Variants in NBAS observed in about 807,000 individuals in gnomAD.
The protein encoded by NBAS is NBAS subunit of NRZ tethering complex.
Under a neutral mutation model 302.5 loss-of-function variants are expected in NBAS, and 219 were observed. The ratio of observed to expected loss-of-function variants is 0.72; its 90% CI spans 0.65 to 0.81. The LOEUF is 0.81. Among genes scored for constraint, NBAS ranks in the 30% least tolerant of loss-of-function variants. The probability of loss-of-function intolerance (pLI) is 0.00; values close to 1 mark genes in which losing one functional copy is unlikely to be tolerated. For synonymous variants in NBAS, 1,118 were observed against 1,021.6 expected, an observed-to-expected ratio of 1.09 and a Z score of -1.80; for missense variants, 2,932 against 2,841.6, an observed-to-expected ratio of 1.03 and a Z score of -0.72.
At chr2:15,077,182 C>T in the NBAS span, among the ~76,000 whole-genome samples, 3 of 152,156 alleles carry the variant, frequency 2.0e-5, no homozygotes, top group African/African-American at 4.8e-5. Context: ...AAGCAAGGCA[C>T]GTCTTACATG....
Position 15,475,754 on chromosome 2 carries a change from G to T in NBAS, c.1274C>A (p.Ser425Tyr), listed in dbSNP as rs769100097. Residue 425 changes from serine to tyrosine, a missense_variant, in exon 14 of 52, where the codon TCC becomes TAC. Coordinates refer to ENST00000281513, the MANE Select transcript of NBAS (RefSeq NM_015909.4). Reference protein sequence around the residue: ...VKTLKNLLGKSCEWFEPSPQV... With the variant: ...VKTLKNLLGKYCEWFEPSPQV... ...AGGTGATGGTTCAAACCATTCACAGGATTTTCCCAGTAAATTCTTCAAAGT... is the reference window on the plus strand; with the variant it reads ...AGGTGATGGTTCAAACCATTCACAGTATTTTCCCAGTAAATTCTTCAAAGT... 6.2e-7 allele frequency: 1 copy of T among 1,614,094 alleles called. No homozygotes were observed. The highest frequency in any genetic ancestry group is 8.5e-7 in the Non-Finnish European group (1 of 1,179,988).
At chr2:14,847,315 G>A in the NBAS span, among the ~76,000 whole-genome samples, 55 of 148,164 alleles carry the variant, frequency 3.7e-4, no homozygotes, top group African/African-American at 1.1e-3. Context: ...CCCAGGAGGC[G>A]GAGCTTGCAG....
intron 6 of NBAS, among the ~76,000 whole-genome samples, chr2:15,541,845 G>T (rs1380214415): frequency 2.9e-5 from 2 of 67,836 alleles, no homozygotes; most frequent in East Asian, 2.6e-4. Context: ...CCCCGTCCGG[G>T]AGGGAGGTGG....
chr2:14,920,041 G>C, the NBAS span, among the ~76,000 whole-genome samples: 1 of 152,102 alleles, frequency 6.6e-6, no homozygotes, highest in Non-Finnish European at 1.5e-5. Flanking sequence ...AGGCCCATCA[G>C]GGAAATCACT....
chr2:14,803,282 CT>C, the NBAS span, among the ~76,000 whole-genome samples: 36 of 152,292 alleles, frequency 2.4e-4, no homozygotes, highest in African/African-American at 8.4e-4. Context: ...ATTGGTGGTT[CT>C]TTTCCATATC....
At chr2:15,345,534 C>CTCAT (rs569972181) in intron 35 of NBAS, among the ~76,000 whole-genome samples, 199 of 152,284 alleles carry the variant, frequency 1.3e-3, no homozygotes, top group African/African-American at 4.5e-3. Flanking sequence ...TATTTCCATG[C>CTCAT]TCATGGATAG....
chr2:15,457,502 T>C (rs973321112), intron 21 of NBAS, among the ~76,000 whole-genome samples: 3 of 152,216 alleles, frequency 2.0e-5, no homozygotes, highest in Non-Finnish European at 4.4e-5. Context: ...TGAGCTGCAA[T>C]TACTTATTTA....
the NBAS span, among the ~76,000 whole-genome samples, chr2:15,150,989 A>C: frequency 6.6e-6 from 1 of 152,138 alleles, no homozygotes; most frequent in Non-Finnish European, 1.5e-5. Flanking sequence ...AACAAAAAAA[A>C]TTCAACGGTG....
the NBAS span, among the ~76,000 whole-genome samples, chr2:15,005,914 AT>A: frequency 6.6e-6 from 1 of 152,204 alleles, no homozygotes; most frequent in African/African-American, 2.4e-5. Flanking sequence ...CAGTAATGTG[AT>A]TGAGGGTATT....
the NBAS span, among the ~76,000 whole-genome samples, chr2:14,850,855 G>A: frequency 8.6e-6 from 1 of 116,512 alleles, no homozygotes; most frequent in Non-Finnish European, 1.7e-5. Flanking sequence ...AATGAAGGCA[G>A]AAATAAAGAT....
chr2:15,251,311 G>A (rs1668354013), intron 44 of NBAS, among the ~76,000 whole-genome samples: 1 of 152,206 alleles, frequency 6.6e-6, no homozygotes, highest in South Asian at 2.1e-4. Context: ...CTGTCGGCGG[G>A]TGGGGAGCTA....
chr2:15,459,802 C>A (rs1056487525), intron 21 of NBAS, among the ~76,000 whole-genome samples: 3 of 152,062 alleles, frequency 2.0e-5, no homozygotes, highest in Non-Finnish European at 4.4e-5. Flanking sequence ...TTTATCAGAA[C>A]AAAGAGTTAC....
chr2:15,471,792 G>A lies in NBAS; in HGVS notation c.1725+1430C>T, dbSNP rs1395729451. Among the ~76,000 whole-genome samples the A allele has an allele frequency of 2.0e-5, 3 of 152,246 alleles. No homozygotes were observed. In the East Asian group the frequency reaches 5.8e-4, roughly 29 times the overall value. ...TAGAGAGCCTTCTTTCTCTCTCTCTGCTGTCTGCCATATAAGGACACAGCA... is the reference window on the plus strand; with the variant it reads ...TAGAGAGCCTTCTTTCTCTCTCTCTACTGTCTGCCATATAAGGACACAGCA... On this transcript the variant is annotated intron_variant, in intron 16 of 51. Transcript: ENST00000281513.
intron 2 of NBAS, among the ~76,000 whole-genome samples, chr2:15,557,601 G>A (rs1378589680): frequency 6.6e-6 from 1 of 152,106 alleles, no homozygotes; most frequent in East Asian, 1.9e-4. Context: ...AGGATAATCA[G>A]AAGATTACAG....
At chr2:15,130,663 C>G in the NBAS span, among the ~76,000 whole-genome samples, 1 of 152,262 alleles carries the variant, frequency 6.6e-6, no homozygotes, top group Non-Finnish European at 1.5e-5. Flanking sequence ...CTTCTCAACT[C>G]TTTCACTATG....
chr2:15,300,738 G>A (rs148125795), intron 40 of NBAS, among the ~76,000 whole-genome samples: 63 of 152,298 alleles, frequency 4.1e-4, no homozygotes, highest in African/African-American at 1.5e-3. Context: ...GATGTGTATC[G>A]ACTGTCATCC....
chr2:15,082,117 T>C, the NBAS span, among the ~76,000 whole-genome samples: 2 of 152,174 alleles, frequency 1.3e-5, no homozygotes, highest in Non-Finnish European at 2.9e-5. Context: ...AAGATAAGGA[T>C]GGTGGTATTG....
At chr2:15,390,540 T>G (rs921093941) in intron 28 of NBAS, among the ~76,000 whole-genome samples, 3 of 152,116 alleles carry the variant, frequency 2.0e-5, no homozygotes, top group Admixed American at 1.3e-4. Context: ...ATGAGAACTA[T>G]ACGTAATAAA....
the NBAS span, among the ~76,000 whole-genome samples, chr2:14,927,738 G>A: frequency 2.0e-5 from 3 of 152,136 alleles, no homozygotes; most frequent in Admixed American, 1.3e-4. Flanking sequence ...TTTTATCGTA[G>A]CAAACCTAAT....
Sources: allele counts gnomAD v4.1 joint callset (sites outside exome capture counted in the v4.1 genomes callset), GRCh38; gene constraint gnomAD v4.1.1; transcripts MANE v1.5; gene names NCBI Gene and HGNC (gene_info 2026-07-23, HGNC 2026-07-21).